ZNF782: variants seen among roughly 807,000 people sequenced by gnomAD.
ZNF782 encodes zinc finger protein 782.
Under a neutral mutation model 13.0 loss-of-function variants are expected in ZNF782, and 12 were observed. The observed-to-expected ratio is 0.92, with a 90% confidence interval of 0.59 to 1.50. ZNF782 has a LOEUF of 1.50. ZNF782 is among the 40% of genes most tolerant of loss of function. The probability of loss-of-function intolerance (pLI) is 0.00; values close to 1 mark genes in which losing one functional copy is unlikely to be tolerated. For synonymous variants in ZNF782, 284 were observed against 283.0 expected (o/e 1.00, Z -0.04); for missense variants, 770 against 822.9 (o/e 0.94, Z 0.79).
At chr9:96,927,511 T>G in the ZNF782 span, among the ~76,000 whole-genome samples, 1 of 152,138 alleles carries the variant, frequency 6.6e-6, no homozygotes, top group Non-Finnish European at 1.5e-5. Flanking sequence ...GTGCAGAATC[T>G]TTTTGTGGTG....
the ZNF782 span, among the ~76,000 whole-genome samples, chr9:96,905,761 T>C: frequency 6.6e-6 from 1 of 152,248 alleles, no homozygotes; most frequent in South Asian, 2.1e-4. Context: ...AATTTTTGTA[T>C]TTTTATGAGA....
rs762699834 is a variant in ZNF782 at position 96,818,799 on chromosome 9, G to A, written c.1224C>T (p.Arg408=). The A allele has an allele frequency of 4.3e-6, 7 of 1,613,424 alleles. No homozygotes were observed. In the South Asian group the frequency reaches 6.6e-5, roughly 15 times the overall value. The change falls in exon 6 of 6, where the codon CGC becomes CGT. Residue 408 remains arginine (R), a synonymous_variant. Transcript: ENST00000481138. The part of the protein sequence containing the change: ...ECGKAFSEKS[R]LRKHQRTHTG... ...TGTGAGTTCTCTGATGTTTTCTTAG[G>A]CGTGACTTCTCACTGAAGGCTTTCC... is the stretch of plus-strand genomic sequence containing the variant.
the ZNF782 span, among the ~76,000 whole-genome samples, chr9:96,885,448 A>T: frequency 6.6e-6 from 1 of 152,206 alleles, no homozygotes; most frequent in Non-Finnish European, 1.5e-5. Context: ...CAATGTGAGC[A>T]GCAGAAAAAA....
intron 5 of ZNF782, among the ~76,000 whole-genome samples, chr9:96,825,229 C>T (rs1351745545): frequency 4.6e-5 from 7 of 150,646 alleles, no homozygotes; most frequent in Admixed American, 1.3e-4. Context: ...TGGAACAGAA[C>T]AGAGCCCTCA....
At chr9:96,885,436 C>A in the ZNF782 span, among the ~76,000 whole-genome samples, 1 of 151,908 alleles carries the variant, frequency 6.6e-6, no homozygotes, top group Non-Finnish European at 1.5e-5. Flanking sequence ...ATAAAATTTA[C>A]CCAATGTGAG....
intron 4 of ZNF782, among the ~76,000 whole-genome samples, chr9:96,838,917 T>C (rs1851096032): frequency 6.6e-6 from 1 of 152,106 alleles, no homozygotes; most frequent in African/African-American, 2.4e-5. Flanking sequence ...GGTTTCACCA[T>C]GTTGGCCAGG....
chr9:96,816,937 T>G lies in ZNF782; in HGVS notation c.*986A>C, dbSNP rs1315174988. ...CCTGAAAAATCATACTCCTAAGTTT[T>G]ATTATGTGAGGGTTGTTGAGTTTCT... is the stretch of plus-strand genomic sequence containing the variant. On this transcript the variant is annotated 3_prime_UTR_variant, in exon 6 of 6. Transcript: ENST00000481138. The G allele has an allele frequency of 6.6e-6, 1 of 152,210 alleles. No individual in the cohort carries two copies. The highest frequency in any genetic ancestry group is 2.4e-5 in the African/African-American group (1 of 41,446). The allele number at this position is 152,210 out of a possible 1,614,324, so 9.4% of individuals were successfully genotyped here. A position where few individuals can be genotyped will look rare whatever the true frequency, so the allele number is the denominator to read the frequency against.
At chr9:96,820,541 T>TC (rs1265525866) in intron 5 of ZNF782, among the ~76,000 whole-genome samples, 1 of 144,090 alleles carries the variant, frequency 6.9e-6, no homozygotes, top group Non-Finnish European at 1.5e-5. Flanking sequence ...CAATAGTGAA[T>TC]CTTTTTTTTT....
intron 1 of ZNF782, among the ~76,000 whole-genome samples, chr9:96,853,540 T>C (rs1245176509): frequency 6.6e-6 from 1 of 152,090 alleles, no homozygotes; most frequent in Non-Finnish European, 1.5e-5. Flanking sequence ...ATTCTTTACA[T>C]CAGACTTAAA....
At chr9:96,878,937 G>A (rs968847240), upstream of ZNF782, among the ~76,000 whole-genome samples, 1 of 152,118 alleles carries the variant, frequency 6.6e-6, no homozygotes, top group Non-Finnish European at 1.5e-5. Context: ...AGCATTTTTG[G>A]TAACCGATTT....
chr9:96,910,234 T>C, the ZNF782 span: 10 of 694,554 alleles, frequency 1.4e-5, no homozygotes, highest in East Asian at 2.0e-4. Flanking sequence ...AGGAGGTAGA[T>C]GAAGAAGGGG....
At chr9:96,892,897 T>C in the ZNF782 span, 6 of 152,300 alleles carry the variant, frequency 3.9e-5, no homozygotes, top group South Asian at 8.3e-4. Flanking sequence ...TTGCTTTTTT[T>C]TTTTTTAACC....
intron 4 of ZNF782, among the ~76,000 whole-genome samples, chr9:96,835,271 T>C (rs549217707): frequency 6.6e-6 from 1 of 152,276 alleles, no homozygotes; most frequent in African/African-American, 2.4e-5. Flanking sequence ...AAAGATGGAA[T>C]TTATAATTTA....
the ZNF782 span, among the ~76,000 whole-genome samples, chr9:96,916,076 A>G: frequency 2.0e-5 from 3 of 151,964 alleles, no homozygotes; most frequent in African/African-American, 7.2e-5. Context: ...ATGCCAGGTA[A>G]GTGAGTGACC....
the ZNF782 span, among the ~76,000 whole-genome samples, chr9:96,882,013 G>A: frequency 2.0e-5 from 3 of 151,490 alleles, no homozygotes; most frequent in Non-Finnish European, 2.9e-5. Flanking sequence ...GTGTGTGTGT[G>A]TGTGTATACT....
chr9:96,880,134 T>C (rs1414765369), upstream of ZNF782, among the ~76,000 whole-genome samples: 1 of 152,184 alleles, frequency 6.6e-6, no homozygotes, highest in East Asian at 1.9e-4. Flanking sequence ...GTGTTGGCTT[T>C]GCATTTTGTG....
At chr9:96,899,104 A>G in the ZNF782 span, among the ~76,000 whole-genome samples, 4 of 149,332 alleles carry the variant, frequency 2.7e-5, no homozygotes, top group South Asian at 8.5e-4. Flanking sequence ...GTCGAATCAT[A>G]TAGTATTTTT....
At chr9:96,854,908 GA>G (rs1366600418), upstream of ZNF782, among the ~76,000 whole-genome samples, 2 of 147,058 alleles carry the variant, frequency 1.4e-5, no homozygotes, top group Non-Finnish European at 3.0e-5. Context: ...GAATTTTGTA[GA>G]AATTTTTTTT....
At position 96,818,466 on chromosome 9, in the gene ZNF782, T is replaced by C. The variant is rs1476419024; in HGVS notation, c.1557A>G (p.Ser519=). The part of the protein sequence containing the change: ...DECGKAFKLK[S]GLRKHHRTHT... ...GTGTTCTATGATGTTTCCTCAGGCC[T>C]GACTTCAGTTTGAAAGCTTTCCCAC... Residue 519 remains serine, a synonymous_variant, in exon 6 of 6, where the codon TCA becomes TCG. Coordinates refer to ENST00000481138, the MANE Select transcript of ZNF782 (RefSeq NM_001001662.3). 2 of 1,614,060 alleles carry C rather than the reference T, an allele frequency of 1.2e-6. No individual in the cohort carries two copies. Among genetic ancestry groups the C allele is most frequent in the African/African-American group, 2.7e-5 (2 of 74,932 alleles).
Sources: allele counts gnomAD v4.1 joint callset (sites outside exome capture counted in the v4.1 genomes callset), GRCh38; gene constraint gnomAD v4.1.1; transcripts MANE v1.5; gene names NCBI Gene and HGNC (gene_info 2026-07-23, HGNC 2026-07-21).